CNTNAP3B: variants seen among roughly 807,000 people sequenced by gnomAD.
The protein encoded by CNTNAP3B is contactin-associated protein-like 3B.
CNTNAP3B carries 25 observed loss-of-function variants against 108.9 expected under a neutral mutation model. The ratio of observed to expected loss-of-function variants is 0.23; its 90% CI spans 0.17 to 0.32. The LOEUF is 0.32. CNTNAP3B is among the 10% of genes least tolerant of loss of function. The pLI is 1.00. For missense variants in CNTNAP3B, 252 were observed against 1,210.4 expected, an observed-to-expected ratio of 0.21 and a Z score of 11.75; for synonymous variants, 103 against 473.4, an observed-to-expected ratio of 0.22 and a Z score of 10.16.
chr9:42,042,922 A>C (rs1290969170), intron 3 of CNTNAP3B, among the ~76,000 whole-genome samples: 1 of 146,582 alleles, frequency 6.8e-6, no homozygotes, highest in Non-Finnish European at 1.5e-5. Context: ...AATTTTTTTA[A>C]CTAATTGACT....
chr9:41,961,340 T>G (rs554743872), intron 11 of CNTNAP3B, among the ~76,000 whole-genome samples: 2 of 152,422 alleles, frequency 1.3e-5, no homozygotes, highest in Non-Finnish European at 2.9e-5. Flanking sequence ...ATGCAAACTC[T>G]GAAGCACAGT....
chr9:41,929,895 A>C (rs539424150), intron 14 of CNTNAP3B, among the ~76,000 whole-genome samples: 1 of 152,060 alleles, frequency 6.6e-6, no homozygotes, highest in Non-Finnish European at 1.5e-5. Context: ...CCAAAGCAAG[A>C]GGTTATTAAT....
At chr9:41,945,484 G>T (rs1386018438) in intron 13 of CNTNAP3B, among the ~76,000 whole-genome samples, 3,508 of 149,204 alleles carry the variant, frequency 0.024, 11 homozygotes, top group East Asian at 0.2. Flanking sequence ...GATGAAGCTG[G>T]AAACCATCAT....
intron 4 of CNTNAP3B, among the ~76,000 whole-genome samples, chr9:42,004,018 G>C (rs1327097299): frequency 6.9e-6 from 1 of 145,636 alleles, no homozygotes; most frequent in African/African-American, 2.6e-5. Flanking sequence ...TTTTCATAGA[G>C]TTATAATTTA....
chr9:41,969,074 G>C (rs1356281960), intron 10 of CNTNAP3B, among the ~76,000 whole-genome samples: 1 of 152,296 alleles, frequency 6.6e-6, no homozygotes, highest in South Asian at 2.1e-4. Context: ...GGGATTACAG[G>C]CGTGAGCCAC....
intron 1 of CNTNAP3B, among the ~76,000 whole-genome samples, chr9:42,123,970 C>T (rs1329260990): frequency 1.6e-5 from 2 of 126,174 alleles, no homozygotes; most frequent in Non-Finnish European, 3.3e-5. Context: ...GTAATATCCT[C>T]TGTTTTTATA....
At chr9:42,098,954 C>G (rs143508284) in intron 2 of CNTNAP3B, among the ~76,000 whole-genome samples, 5 of 135,892 alleles carry the variant, frequency 3.7e-5, no homozygotes, top group African/African-American at 1.5e-4. Flanking sequence ...TACCTGCCCA[C>G]ATCCGAAGGG....
intron 3 of CNTNAP3B, among the ~76,000 whole-genome samples, chr9:42,070,711 T>A: frequency 6.6e-6 from 1 of 152,168 alleles, no homozygotes; most frequent in Admixed American, 6.5e-5. Context: ...CTGCTGCCTC[T>A]GGGCTCAGTG....
At chr9:41,965,621 G>A (rs1236933781) in intron 10 of CNTNAP3B, among the ~76,000 whole-genome samples, 1 of 150,876 alleles carries the variant, frequency 6.6e-6, no homozygotes, top group African/African-American at 2.4e-5. Context: ...AGATTCTAAA[G>A]GACACTGACC....
intron 15 of CNTNAP3B, among the ~76,000 whole-genome samples, chr9:41,927,402 A>G (rs1237784581): frequency 1.7e-4 from 25 of 148,184 alleles, no homozygotes; most frequent in South Asian, 8.5e-4. Flanking sequence ...AAAAAAGAAG[A>G]CAGGAAAGAA....
intron 12 of CNTNAP3B, among the ~76,000 whole-genome samples, chr9:41,954,815 C>T (rs1824805673): frequency 6.6e-6 from 1 of 152,256 alleles, no homozygotes; most frequent in African/African-American, 2.4e-5. Context: ...TCACAAGTAG[C>T]TGGGACTACA....
chr9:41,964,744 G>C, intron 10 of CNTNAP3B, 100 bp from the exon 11 acceptor site: 2 of 1,488,562 alleles, frequency 1.3e-6, no homozygotes, highest in Non-Finnish European at 1.8e-6. Flanking sequence ...GCATACGCAA[G>C]ATAACCCCAC....
chr9:41,934,100 C>CATATATATATATATATATGTATATAT (rs1824067123), intron 14 of CNTNAP3B, among the ~76,000 whole-genome samples: 2 of 90,224 alleles, frequency 2.2e-5, no homozygotes, highest in African/African-American at 8.4e-5. Flanking sequence ...ATATTTGTTA[C>CATATATATATATATATATGTATATAT]ATATATATAT....
At chr9:41,924,426 C>G (rs1211865771) in intron 15 of CNTNAP3B, among the ~76,000 whole-genome samples, 16 of 152,296 alleles carry the variant, frequency 1.1e-4, no homozygotes, top group African/African-American at 4.8e-5. Flanking sequence ...TACTGAAGAA[C>G]TCGGTAAGAT....
intron 12 of CNTNAP3B, among the ~76,000 whole-genome samples, chr9:41,955,181 G>A (rs74741856): frequency 6.8e-5 from 10 of 146,286 alleles, no homozygotes; most frequent in South Asian, 2.2e-4. Context: ...ATGATGGTCC[G>A]GAGTAGTTCA....
At chr9:41,961,892 C>T (rs1825104459) in intron 11 of CNTNAP3B, among the ~76,000 whole-genome samples, 3 of 152,296 alleles carry the variant, frequency 2.0e-5, no homozygotes, top group Admixed American at 2.0e-4. Flanking sequence ...ATGGACATTG[C>T]TAATCTTTAT....
rs1268442799 is a variant in CNTNAP3B, at chr9:42,093,126, C to T, written c.196+11503G>A. Among the ~76,000 whole-genome samples, 8 of 96,686 alleles carry T rather than the reference C, an allele frequency of 8.3e-5. 3 individuals are homozygous for T. The highest frequency in any genetic ancestry group is 3.2e-4 in the Admixed American group (3 of 9,262). The allele number at this position is 96,686 out of a possible 152,430, so 63.4% of individuals were successfully genotyped here. On this transcript the variant is annotated intron_variant, in intron 2 of 23. Transcript: ENST00000377561. ...CTTTGGGAGGCCAAGGTGGCCGAGG[C>T]GGATCACGAGGTCAGGAGTTGAGCC...
intron 12 of CNTNAP3B, among the ~76,000 whole-genome samples, chr9:41,956,247 G>A (rs192045689): frequency 7.2e-3 from 1,092 of 151,786 alleles, no homozygotes; most frequent in Non-Finnish European, 9.3e-3. Flanking sequence ...TTAGCCGGGC[G>A]TGGTGGCACA....
chr9:41,988,554 CT>C (rs1825751915), intron 8 of CNTNAP3B, among the ~76,000 whole-genome samples: 1 of 147,484 alleles, frequency 6.8e-6, no homozygotes, highest in African/African-American at 2.5e-5. Flanking sequence ...CTGGCCCCTT[CT>C]TTGAATTCTT....
Sources: allele counts gnomAD v4.1 joint callset (sites outside exome capture counted in the v4.1 genomes callset), GRCh38; gene constraint gnomAD v4.1.1; transcripts MANE v1.5; gene names NCBI Gene and HGNC (gene_info 2026-07-23, HGNC 2026-07-21).